Variants in ANKFY1 observed in about 807,000 individuals in gnomAD.
The protein encoded by ANKFY1 is ankyrin repeat and FYVE domain-containing protein 1.
In ANKFY1, 47 loss-of-function variants were observed where a neutral mutation model predicts 128.3. That is an observed-to-expected ratio of 0.37 (90% CI 0.29 to 0.47). The LOEUF is 0.47. Ranked by LOEUF, ANKFY1 falls within the 20% of genes least tolerant of loss-of-function variation. The pLI is 1.00. For synonymous variants in ANKFY1, 553 were observed against 601.6 expected (o/e 0.92, Z 1.18); for missense variants, 1,222 against 1,510.6 (o/e 0.81, Z 3.17).
intron 3 of ANKFY1, chr17:4,222,499 TC>T (rs2060343125): frequency 1.1e-6 from 1 of 918,864 alleles, no homozygotes; most frequent in Admixed American, 1.7e-5. Flanking sequence ...GGGCAACATT[TC>T]TGTTCAGGGA....
At chr17:4,263,745 T>C in intron 1 of ANKFY1, 187 bp downstream of exon 1, 4 of 1,498,220 alleles carry the variant, frequency 2.7e-6, no homozygotes, top group Non-Finnish European at 3.5e-6. Context: ...GGAGGGACGT[T>C]GTCATAGGAA....
At position 4,198,128 on chromosome 17, in the gene ANKFY1, T is replaced by TC. The variant is rs759518789; in HGVS notation, c.899-552_899-551insG. On this transcript the variant is annotated intron_variant, in intron 7 of 24. Transcript: ENST00000341657. ...TGGGGATTAAGAGCAAAACTCCGTC[T>TC]TAAAAAAAAAAAAAAGAACACTAGG... Among the ~76,000 whole-genome samples the TC allele has an allele frequency of 9.0e-3, 1,236 of 136,720 alleles. 22 individuals are homozygous for TC. The highest frequency in any genetic ancestry group is 0.023 in the African/African-American group (856 of 37,940). The allele number at this position is 136,720 out of a possible 152,430, so 89.7% of individuals were successfully genotyped here. A position where few individuals can be genotyped will look rare whatever the true frequency, so the allele number is the denominator to read the frequency against.
At chr17:4,216,834 G>C in intron 4 of ANKFY1, 149 bp downstream of exon 4, 1 of 1,063,948 alleles carries the variant, frequency 9.4e-7, no homozygotes, top group South Asian at 1.4e-5. Context: ...CAAAGCAAGG[G>C]AGGTAACATC....
In ANKFY1 at chr17:4,173,976, G is replaced by A; in HGVS notation, c.2856C>T (p.Pro952=). The A allele has an allele frequency of 6.2e-7, 1 of 1,614,230 alleles. No homozygotes were observed. Among genetic ancestry groups the A allele is most frequent in the East Asian group, 2.2e-5 (1 of 44,894 alleles). ...ALHLAAQQDL[P]TICSVLLENG... is the part of the protein sequence containing the mutation. ...TCTCTAGGAGGACTGAGCAGATGGT[G>A]GGCAGGTCCTGCTGGGCAGCAAGAT... The change falls in exon 20 of 25, where the codon CCC becomes CCT. Residue 952 remains proline, a synonymous_variant. Transcript: ENST00000341657.
chr17:4,251,605 T>C (rs1250887563), intron 1 of ANKFY1, among the ~76,000 whole-genome samples: 1 of 147,992 alleles, frequency 6.8e-6, no homozygotes, highest in African/African-American at 2.5e-5. Context: ...TGACCTCAGA[T>C]TAAACAAAGA....
intron 10 of ANKFY1, among the ~76,000 whole-genome samples, chr17:4,190,023 A>T (rs2059689596): frequency 6.6e-6 from 1 of 152,202 alleles, no homozygotes; most frequent in African/African-American, 2.4e-5. Flanking sequence ...GGTGGGTTAG[A>T]GCAAGATTTC....
intron 3 of ANKFY1, among the ~76,000 whole-genome samples, chr17:4,233,405 G>A (rs1469849105): frequency 3.3e-5 from 5 of 151,382 alleles, no homozygotes; most frequent in Admixed American, 6.6e-5. Context: ...TTTCGATCAC[G>A]TGGACTGGTA....
chr17:4,240,437 G>T (rs1300610631), intron 2 of ANKFY1, among the ~76,000 whole-genome samples: 1 of 150,520 alleles, frequency 6.6e-6, no homozygotes, highest in Non-Finnish European at 1.5e-5. Flanking sequence ...TGTCTCCCAG[G>T]CTGGAGTGCA....
intron 11 of ANKFY1, chr17:4,188,701 T>C (rs542425306): frequency 1.3e-5 from 2 of 152,232 alleles, no homozygotes; most frequent in East Asian, 3.9e-4. Context: ...GTCTCAGATA[T>C]TATGCTAATA....
chr17:4,192,152 G>A (rs1483003258), intron 10 of ANKFY1, among the ~76,000 whole-genome samples: 1 of 141,940 alleles, frequency 7.0e-6, no homozygotes, highest in Non-Finnish European at 1.5e-5. Context: ...TTAGTTGATG[G>A]TTGCTCTAAT....
At chr17:4,183,340 T>C in intron 14 of ANKFY1, 58 bp downstream of exon 14, 1 of 1,584,076 alleles carries the variant, frequency 6.3e-7, no homozygotes, top group South Asian at 1.1e-5. Context: ...AGGCTATGCT[T>C]TTGACATCTC....
In ANKFY1 at chr17:4,183,812, C is replaced by T. The variant is rs753859070; in HGVS notation, c.1798G>A (p.Gly600Ser). The T allele has an allele frequency of 1.2e-6, 2 of 1,609,726 alleles. No individual in the cohort carries two copies. The highest frequency in any genetic ancestry group is 1.7e-6 in the Non-Finnish European group (2 of 1,175,944). ...ATCAGCGGCCCCGGCACAGCCTTACCAGTCCATAATGCCAGGCCCAGCACA... is the reference window on the plus strand; with the variant it reads ...ATCAGCGGCCCCGGCACAGCCTTACTAGTCCATAATGCCAGGCCCAGCACA... ...QTVLGLALWT[G>S]MHTIAAQLLG... Residue 600 changes from glycine to serine, a missense_variant and splice_region_variant, in exon 13 of 25, where the codon GGC (glycine) becomes AGC (serine). Physicochemically the swap from Gly to Ser is moderately conservative, Grantham distance 56. Coordinates refer to ENST00000341657, the MANE Select transcript of ANKFY1 (RefSeq NM_001330063.2).
chr17:4,217,923 A>T (rs1340079333), intron 3 of ANKFY1, among the ~76,000 whole-genome samples: 1 of 152,132 alleles, frequency 6.6e-6, no homozygotes. Flanking sequence ...GGCTCAAAGA[A>T]TCCAACTGCC....
intron 3 of ANKFY1, chr17:4,223,967 A>C: frequency 1.8e-6 from 1 of 541,634 alleles, no homozygotes. Flanking sequence ...GAACTTTTTA[A>C]GACAGACTTA....
intron 11 of ANKFY1, chr17:4,187,700 C>T (rs2059636645): frequency 6.5e-6 from 1 of 153,842 alleles, no homozygotes; most frequent in South Asian, 2.1e-4. Context: ...CAAAATCTCA[C>T]TCTGTGCCCC....
intron 1 of ANKFY1, among the ~76,000 whole-genome samples, chr17:4,249,567 T>C (rs1386680457): frequency 6.6e-6 from 1 of 152,162 alleles, no homozygotes; most frequent in Non-Finnish European, 1.5e-5. Flanking sequence ...AATTAGAACG[T>C]TAAAATGACA....
intron 1 of ANKFY1, among the ~76,000 whole-genome samples, chr17:4,260,035 G>A (rs147063966): frequency 4.9e-4 from 75 of 152,286 alleles, no homozygotes; most frequent in African/African-American, 1.7e-3. Context: ...AAGTCAGTGT[G>A]GCAGGGGCAC....
At chr17:4,238,795 C>T (rs1375324756) in intron 2 of ANKFY1, among the ~76,000 whole-genome samples, 2 of 150,934 alleles carry the variant, frequency 1.3e-5, no homozygotes, top group Non-Finnish European at 3.0e-5. Flanking sequence ...GGTCTCACTC[C>T]ATCCCCCAGG....
intron 5 of ANKFY1, 61 bp from the exon 6 acceptor site, chr17:4,208,143 T>C: frequency 2.7e-6 from 4 of 1,507,800 alleles, no homozygotes; most frequent in Non-Finnish European, 3.6e-6. Context: ...CCAACCACCA[T>C]TTAGCAAGCC....
Sources: gnomAD v4.1 joint callset for allele counts (sites outside exome capture counted in the v4.1 genomes callset) on GRCh38, gnomAD v4.1.1 for gene constraint, MANE v1.5 for transcripts, NCBI Gene and HGNC (gene_info 2026-07-23, HGNC 2026-07-21) for gene names.